Variants in LRGUK observed in about 807,000 individuals in gnomAD.
LRGUK encodes leucine-rich repeat and guanylate kinase domain-containing protein.
In LRGUK, 65 loss-of-function variants were observed where a neutral mutation model predicts 76.0. The observed-to-expected ratio is 0.85, with a 90% confidence interval of 0.70 to 1.05. LRGUK has a LOEUF of 1.05. Among genes scored for constraint, LRGUK ranks in the 50% least tolerant of loss-of-function variants. The pLI is 0.00. For missense variants in LRGUK, 758 were observed against 732.8 expected (o/e 1.03, Z -0.40); for synonymous variants, 268 against 265.6 (o/e 1.01, Z -0.09).
At chr7:134,210,864 A>T (rs1052156494), downstream of LRGUK, among the ~76,000 whole-genome samples, 11 of 152,230 alleles carry the variant, frequency 7.2e-5, no homozygotes, top group Non-Finnish European at 1.3e-4. Flanking sequence ...GCAGTGCCAC[A>T]GGACAAAAGC....
At chr7:134,275,573 T>C in the LRGUK span, among the ~76,000 whole-genome samples, 1 of 152,188 alleles carries the variant, frequency 6.6e-6, no homozygotes, top group Admixed American at 6.5e-5. Context: ...CTTTGGCATA[T>C]GGACTCAACT....
chr7:134,238,435 C>CG (rs1802062657), intron 16 of LRGUK, among the ~76,000 whole-genome samples: 1 of 151,912 alleles, frequency 6.6e-6, no homozygotes, highest in Non-Finnish European at 1.5e-5. Context: ...GTATTCATTT[C>CG]TTTTTTATTT....
At chr7:134,210,172 G>C (rs1306925124) in exon 16 of LRGUK, 1 of 399,292 alleles carries the variant, frequency 2.5e-6, no homozygotes, top group Admixed American at 4.4e-5. Context: ...CAGCCTTGCA[G>C]CTAGAACCCC....
At chr7:134,162,453 T>A in intron 6 of LRGUK, among the ~76,000 whole-genome samples, 1 of 152,176 alleles carries the variant, frequency 6.6e-6, no homozygotes, top group Non-Finnish European at 1.5e-5. Context: ...CAGGCCTTCT[T>A]AAGTCTTAGG....
At chr7:134,151,606 C>T (rs1304130905) in intron 5 of LRGUK, among the ~76,000 whole-genome samples, 4 of 152,014 alleles carry the variant, frequency 2.6e-5, no homozygotes, top group African/African-American at 9.7e-5. Context: ...AGGCTTGTCT[C>T]ACTCATGATG....
chr7:134,256,147 C>T (rs1802572788), intron 18 of LRGUK, among the ~76,000 whole-genome samples: 1 of 152,104 alleles, frequency 6.6e-6, no homozygotes, highest in Non-Finnish European at 1.5e-5. Context: ...ATTCCCACCC[C>T]CGAACCTTCC....
intron 4 of LRGUK, 84 bp from the exon 5 acceptor site, chr7:134,148,154 A>G: frequency 2.4e-6 from 2 of 827,968 alleles, no homozygotes; most frequent in Non-Finnish European, 4.0e-6. Context: ...ATTCAAAAAT[A>G]CCTTCTTCTT....
At position 134,178,485 on chromosome 7, in the gene LRGUK, T is replaced by A; in HGVS notation, c.1108-18T>A. The A allele has an allele frequency of 6.3e-7, 1 of 1,577,920 alleles. No homozygotes were observed. The highest frequency in any genetic ancestry group is 8.6e-7 in the Non-Finnish European group (1 of 1,159,754). ...AACAAAACTTTTTTTCCCTTTTACA[T>A]CTCTAATTCTGGAAAAGGTTTCAGC... On this transcript the variant is annotated intron_variant, in intron 9 of 15. Transcript: ENST00000645682.
chr7:134,256,023 T>G (rs56095783), intron 18 of LRGUK, among the ~76,000 whole-genome samples: 6,709 of 152,096 alleles, frequency 0.044, 384 homozygotes, highest in African/African-American at 0.13. Context: ...GTCGCCTGTG[T>G]CAAAAGAGAC....
intron 15 of LRGUK, among the ~76,000 whole-genome samples, chr7:134,218,947 C>A (rs1179113287): frequency 6.6e-6 from 1 of 152,140 alleles, no homozygotes; most frequent in Non-Finnish European, 1.5e-5. Flanking sequence ...CTTTAAAAAT[C>A]TGCCTGGGAT....
At position 134,178,004 on chromosome 7, in the gene LRGUK, T is replaced by C. The variant is rs560697996; in HGVS notation, c.1108-499T>C. Among the ~76,000 whole-genome samples the C allele has an allele frequency of 5.3e-5, 8 of 152,298 alleles. 1 individual carries two copies. In the South Asian group the frequency reaches 1.7e-3, roughly 32 times the overall value. On this transcript the variant is annotated intron_variant, in intron 9 of 15. Coordinates refer to ENST00000645682, the Ensembl canonical transcript of LRGUK. ...CCATATCCTTGAATGAACAAAGTTATGCTAAATGAGGAGGAAGTTTTGGTA... is the reference window on the plus strand; with the variant it reads ...CCATATCCTTGAATGAACAAAGTTACGCTAAATGAGGAGGAAGTTTTGGTA...
At chr7:134,240,659 C>T (rs758451399) in intron 16 of LRGUK, among the ~76,000 whole-genome samples, 19 of 152,114 alleles carry the variant, frequency 1.2e-4, no homozygotes, top group Non-Finnish European at 2.5e-4. Flanking sequence ...ACTTCCCCAA[C>T]CTAGCGAGGC....
intron 12 of LRGUK, among the ~76,000 whole-genome samples, chr7:134,193,622 T>C (rs1242623142): frequency 6.6e-6 from 1 of 152,230 alleles, no homozygotes; most frequent in Non-Finnish European, 1.5e-5. Flanking sequence ...TTCAGGATAA[T>C]GTAATTTTCT....
chr7:134,242,580 A>G (rs977567731), intron 16 of LRGUK, among the ~76,000 whole-genome samples: 2 of 152,186 alleles, frequency 1.3e-5, no homozygotes, highest in Non-Finnish European at 2.9e-5. Context: ...CAACCAAAAA[A>G]AGTCCAGGAC....
intron 15 of LRGUK, among the ~76,000 whole-genome samples, chr7:134,207,539 G>A (rs980754527): frequency 6.6e-6 from 1 of 152,060 alleles, no homozygotes; most frequent in Admixed American, 6.5e-5. Context: ...CACCTGTCCC[G>A]CCCTCTCCCT....
At chr7:134,203,428 C>G (rs569050656) in intron 15 of LRGUK, among the ~76,000 whole-genome samples, 1 of 152,258 alleles carries the variant, frequency 6.6e-6, no homozygotes, top group East Asian at 1.9e-4. Context: ...TCCTGGCAGA[C>G]TGAGGCAGGG....
intron 1 of LRGUK, among the ~76,000 whole-genome samples, chr7:134,134,967 T>A (rs1797464750): frequency 6.6e-6 from 1 of 152,172 alleles, no homozygotes; most frequent in African/African-American, 2.4e-5. Flanking sequence ...TGGGAAGGAA[T>A]GACTTTCCCT....
intron 7 of LRGUK, among the ~76,000 whole-genome samples, chr7:134,169,302 G>A (rs1017702290): frequency 6.6e-6 from 1 of 152,082 alleles, no homozygotes; most frequent in Non-Finnish European, 1.5e-5. Context: ...GGTAGGGAAG[G>A]GTTCTCCTCC....
intron 16 of LRGUK, among the ~76,000 whole-genome samples, chr7:134,232,747 C>A (rs969696418): frequency 6.6e-6 from 1 of 152,106 alleles, no homozygotes; most frequent in African/African-American, 2.4e-5. Flanking sequence ...ATATACAATT[C>A]TTTCTATAAA....
Sources: gnomAD v4.1 joint callset for allele counts (sites outside exome capture counted in the v4.1 genomes callset) on GRCh38, gnomAD v4.1.1 for gene constraint, MANE v1.5 for transcripts, NCBI Gene and HGNC (gene_info 2026-07-23, HGNC 2026-07-21) for gene names.